Variants in PRKCH observed in about 807,000 individuals in gnomAD.
The protein encoded by PRKCH is protein kinase C eta.
PRKCH carries 28 observed loss-of-function variants against 82.5 expected under a neutral mutation model. The observed-to-expected ratio is 0.34, with a 90% CI of 0.25 to 0.47. The LOEUF (loss-of-function observed/expected upper bound fraction) is 0.47, where lower values mean the gene tolerates loss of function less well. Among genes scored for constraint, PRKCH ranks in the 20% least tolerant of loss-of-function variants. PRKCH has a pLI of 1.00. For synonymous variants in PRKCH, 322 were observed against 327.4 expected, an observed-to-expected ratio of 0.98 and a Z score of 0.18; for missense variants, 705 against 881.8, an observed-to-expected ratio of 0.80 and a Z score of 2.54.
chr14:61,459,518 T>C (rs1471247463), intron 9 of PRKCH, among the ~76,000 whole-genome samples: 2 of 152,122 alleles, frequency 1.3e-5, no homozygotes, highest in Non-Finnish European at 2.9e-5. Flanking sequence ...GGCCAGGCCA[T>C]GAAGAGCCTT....
intron 2 of PRKCH, among the ~76,000 whole-genome samples, chr14:61,391,682 C>T (rs1301815359): frequency 6.6e-6 from 1 of 152,176 alleles, no homozygotes; most frequent in African/African-American, 2.4e-5. Context: ...TCTTTATAAT[C>T]TCTATCTCAT....
chr14:61,320,674 A>G (rs1410481596), upstream of PRKCH, among the ~76,000 whole-genome samples: 1 of 152,210 alleles, frequency 6.6e-6, no homozygotes, highest in Non-Finnish European at 1.5e-5. Context: ...GCTGGCCCTC[A>G]GGGAGCAAGC....
chr14:61,368,684 G>A (rs2046329740), intron 1 of PRKCH, among the ~76,000 whole-genome samples: 2 of 152,120 alleles, frequency 1.3e-5, no homozygotes, highest in African/African-American at 4.8e-5. Context: ...TGGTTGGAAT[G>A]TGCTGTGAAA....
intron 2 of PRKCH, among the ~76,000 whole-genome samples, chr14:61,419,571 G>A (rs1020100206): frequency 1.3e-5 from 2 of 152,176 alleles, no homozygotes; most frequent in Admixed American, 6.5e-5. Flanking sequence ...GAGAATCAAT[G>A]CAATATAATC....
intron 2 of PRKCH, among the ~76,000 whole-genome samples, chr14:61,423,371 G>C (rs763458840): frequency 6.6e-6 from 1 of 152,214 alleles, no homozygotes; most frequent in Non-Finnish European, 1.5e-5. Context: ...TGGTCTACTT[G>C]AGGGTAAAAG....
At chr14:61,320,583 A>C (rs958529079), upstream of PRKCH, among the ~76,000 whole-genome samples, 2 of 149,300 alleles carry the variant, frequency 1.3e-5, no homozygotes, top group African/African-American at 4.9e-5. Context: ...TGGGCAACAA[A>C]AGCGAAACTC....
intron 2 of PRKCH, among the ~76,000 whole-genome samples, chr14:61,395,679 G>A (rs773576178): frequency 3.4e-4 from 51 of 152,144 alleles, no homozygotes; most frequent in Non-Finnish European, 1.3e-4. Context: ...ATGTTAGTGG[G>A]ATTTTCATTT....
In PRKCH at chr14:61,280,278, G is replaced by A. The variant is rs777755531; in HGVS notation, c.-19+92610G>A. The A allele has an allele frequency of 8.1e-6, 13 of 1,614,016 alleles. No individual in the cohort carries two copies. Among genetic ancestry groups the A allele is most frequent in the Non-Finnish European group, 8.5e-7 (1 of 1,180,028 alleles). On this transcript the variant is annotated intron_variant, in intron 1 of 3. Transcript: ENST00000555185. This position sits in a 1 kb window ranked among gnomAD's most constrained non-coding sequence, Gnocchi z 5.0. ...GGCCGCCGAACGCGCGCACCGGGTAGTTGTAGGTGATGTTGACGCGGTAGG... is the reference window on the plus strand; with the variant it reads ...GGCCGCCGAACGCGCGCACCGGGTAATTGTAGGTGATGTTGACGCGGTAGG...
intron 1 of PRKCH, among the ~76,000 whole-genome samples, chr14:61,364,048 T>C (rs941832859): frequency 3.4e-5 from 5 of 147,558 alleles, no homozygotes; most frequent in Admixed American, 2.0e-4. Flanking sequence ...TATATATATA[T>C]ATATTTGTGT....
At position 61,433,052 on chromosome 14, in the gene PRKCH, A is replaced by AAAAAAAAAAAAC. The variant is rs1012843573; in HGVS notation, c.428-10050_428-10049insAACAAAAAAAAA. Reference sequence around the variant, plus strand: ...CACCCCCCAACCTCTTCAAAAAAAAAAAAAAAAAACTATCAAAAAATGGTG... The same window carrying AAAAAAAAAAAAC: ...CACCCCCCAACCTCTTCAAAAAAAAAAAAAAAAAAAACAAAAAAAAACTATCAAAAAATGGTG... On this transcript the variant is annotated intron_variant, in intron 2 of 13. Coordinates refer to ENST00000332981, the MANE Select transcript of PRKCH (RefSeq NM_006255.5). Among the ~76,000 whole-genome samples the AAAAAAAAAAAAC allele has an allele frequency of 1.5e-3, 223 of 149,734 alleles. 3 individuals are homozygous for AAAAAAAAAAAAC. Among genetic ancestry groups the AAAAAAAAAAAAC allele is most frequent in the African/African-American group, 5.3e-3 (211 of 39,458 alleles).
intron 1 of PRKCH, among the ~76,000 whole-genome samples, chr14:61,261,734 G>A (rs1427281683): frequency 6.6e-6 from 1 of 151,848 alleles, no homozygotes; most frequent in African/African-American, 2.4e-5. Flanking sequence ...ACATGGACCT[G>A]ACACAAAAGG....
At chr14:61,329,082 G>A (rs551231761) in intron 1 of PRKCH, among the ~76,000 whole-genome samples, 106 of 151,524 alleles carry the variant, frequency 7.0e-4, no homozygotes, top group African/African-American at 2.5e-3. Context: ...ATAAAAATGA[G>A]ACCTAAGTGG....
At chr14:61,357,083 C>A (rs2046159746) in intron 1 of PRKCH, among the ~76,000 whole-genome samples, 1 of 152,198 alleles carries the variant, frequency 6.6e-6, no homozygotes, top group Non-Finnish European at 1.5e-5. Flanking sequence ...AATGGCAAGT[C>A]ATCGGAACAC....
intron 1 of PRKCH, among the ~76,000 whole-genome samples, chr14:61,299,244 G>A (rs1423007614): frequency 6.6e-6 from 1 of 152,174 alleles, no homozygotes; most frequent in Non-Finnish European, 1.5e-5. Context: ...TTACACTGAA[G>A]AAGGGTCTGC....
intron 1 of PRKCH, among the ~76,000 whole-genome samples, chr14:61,389,301 G>A (rs1449355019): frequency 1.3e-5 from 2 of 151,892 alleles, no homozygotes; most frequent in African/African-American, 4.8e-5. Flanking sequence ...AGTGAGTCAT[G>A]ATTGCAGCAT....
intron 1 of PRKCH, among the ~76,000 whole-genome samples, chr14:61,191,613 C>T (rs1345180508): frequency 1.3e-5 from 2 of 151,278 alleles, no homozygotes; most frequent in Admixed American, 6.6e-5. Flanking sequence ...GCGGAGGTTG[C>T]GGTAAGCTGA....
At chr14:61,465,922 CT>C (rs1236065876) in intron 9 of PRKCH, among the ~76,000 whole-genome samples, 1 of 152,180 alleles carries the variant, frequency 6.6e-6, no homozygotes, top group African/African-American at 2.4e-5. Context: ...AATTATTATC[CT>C]CATTATGTCA....
At chr14:61,248,784 GTATGTA>G (rs1445866683) in intron 1 of PRKCH, among the ~76,000 whole-genome samples, 5 of 90,782 alleles carry the variant, frequency 5.5e-5, no homozygotes, top group Admixed American at 5.4e-4. Context: ...ATGTATGTAT[GTATGTA>G]TGTATGTATG....
intron 1 of PRKCH, among the ~76,000 whole-genome samples, chr14:61,313,600 AT>A (rs2140111183): frequency 6.6e-6 from 1 of 152,306 alleles, no homozygotes; most frequent in South Asian, 2.1e-4. Flanking sequence ...TGATAAAGAC[AT>A]ACCCGAGACT....
Sources: allele counts gnomAD v4.1 joint callset (sites outside exome capture counted in the v4.1 genomes callset), GRCh38; gene constraint gnomAD v4.1.1; non-coding constraint Gnocchi (gnomAD v3.1); transcripts MANE v1.5; gene names NCBI Gene and HGNC (gene_info 2026-07-23, HGNC 2026-07-21).